CLEC2A: variants seen among roughly 807,000 people sequenced by gnomAD.
CLEC2A encodes the protein keratinocyte-associated C-type lectin.
CLEC2A carries 19 observed loss-of-function variants against 18.6 expected under a neutral mutation model. That is an observed-to-expected ratio of 1.02 (90% CI 0.71 to 1.50). The LOEUF (loss-of-function observed/expected upper bound fraction) is 1.50. CLEC2A is among the 40% of genes most tolerant of loss of function. CLEC2A has a pLI of 0.00. For synonymous variants in CLEC2A, 74 were observed against 64.0 expected, an observed-to-expected ratio of 1.16 and a Z score of -0.75; for missense variants, 190 against 207.9, an observed-to-expected ratio of 0.91 and a Z score of 0.53.
downstream of CLEC2A, among the ~76,000 whole-genome samples, chr12:9,912,475 G>A (rs7969889): frequency 1.5e-3 from 224 of 152,258 alleles, no homozygotes; most frequent in African/African-American, 5.2e-3. Flanking sequence ...AAATAGGAGC[G>A]ACAGTGAGAG....
chr12:9,928,670 T>TA (rs946060322), intron 1 of CLEC2A, among the ~76,000 whole-genome samples: 8 of 151,828 alleles, frequency 5.3e-5, no homozygotes, highest in Non-Finnish European at 1.5e-5. Context: ...AACAACTTGA[T>TA]AAAAAAAAGA....
downstream of CLEC2A, among the ~76,000 whole-genome samples, chr12:9,893,878 C>T (rs1006513677): frequency 6.6e-6 from 1 of 152,084 alleles, no homozygotes; most frequent in Admixed American, 6.5e-5. Context: ...AAATACTTCT[C>T]ATGTGGTAAA....
chr12:9,900,372 A>G (rs1221359704), intron 4 of CLEC2A, among the ~76,000 whole-genome samples: 1 of 152,174 alleles, frequency 6.6e-6, no homozygotes, highest in Non-Finnish European at 1.5e-5. Context: ...TTAATAACAA[A>G]TGTATAAGCT....
chr12:9,913,931 G>C (rs1315199099), intron 4 of CLEC2A, among the ~76,000 whole-genome samples: 4 of 152,070 alleles, frequency 2.6e-5, no homozygotes, highest in African/African-American at 9.7e-5. Context: ...GACACATATA[G>C]GTATACAAAG....
intron 3 of CLEC2A, among the ~76,000 whole-genome samples, chr12:9,920,704 C>A (rs1471183609): frequency 6.6e-6 from 1 of 152,184 alleles, no homozygotes; most frequent in Non-Finnish European, 1.5e-5. Context: ...CCATCTTGGC[C>A]ACTCTCCAAC....
downstream of CLEC2A, among the ~76,000 whole-genome samples, chr12:9,912,837 G>A (rs1260173399): frequency 4.6e-5 from 7 of 152,186 alleles, no homozygotes; most frequent in Admixed American, 1.3e-4. Context: ...AGTTTCTCCC[G>A]GGCACTGCTT....
chr12:9,884,459 C>G, the CLEC2A span, among the ~76,000 whole-genome samples: 1 of 151,382 alleles, frequency 6.6e-6, no homozygotes, highest in African/African-American at 2.4e-5. Flanking sequence ...ATATTTCTTT[C>G]CCTCTTTTAT....
chr12:9,929,941 G>C (rs1308170631), intron 1 of CLEC2A, among the ~76,000 whole-genome samples: 1 of 151,340 alleles, frequency 6.6e-6, no homozygotes, highest in Non-Finnish European at 1.5e-5. Context: ...ATATTTTTTA[G>C]ACCTCTACCT....
chr12:9,888,497 A>AAT, the CLEC2A span, among the ~76,000 whole-genome samples: 2 of 152,050 alleles, frequency 1.3e-5, no homozygotes, highest in Non-Finnish European at 2.9e-5. Flanking sequence ...CTCAAAAAAA[A>AAT]AATAAAAATA....
downstream of CLEC2A, among the ~76,000 whole-genome samples, chr12:9,910,705 A>G (rs150006803): frequency 1.0e-3 from 152 of 151,538 alleles, no homozygotes; most frequent in Middle Eastern, 3.4e-3. Context: ...TCCTGTGCAT[A>G]GAGTTACCTG....
chr12:9,912,585 T>C (rs1274988435), downstream of CLEC2A, among the ~76,000 whole-genome samples: 1 of 151,956 alleles, frequency 6.6e-6, no homozygotes, highest in Non-Finnish European at 1.5e-5. Context: ...ATGGTGTTCT[T>C]GTCCTGCCCA....
chr12:9,913,656 G>T lies in CLEC2A; in HGVS notation c.435C>A (p.Ser145=). 6.5e-7 allele frequency: 1 copy of T among 1,548,272 alleles called. No homozygotes were observed. Residue 145 remains serine (S), a synonymous_variant, in exon 5 of 5, where the codon TCC becomes TCA. Coordinates refer to ENST00000455827, the MANE Select transcript of CLEC2A (RefSeq NM_001130711.2). The part of the protein sequence containing the change: ...NGWFEIIGNG[S]FAFLSADGVH... ...CTCCATCAGCACTCAAGAAAGCAAA[G>T]GATCCGTTCCCTATAATTTCAAACC...
At chr12:9,903,135 C>A (rs1264633772) in intron 4 of CLEC2A, among the ~76,000 whole-genome samples, 1 of 151,638 alleles carries the variant, frequency 6.6e-6, no homozygotes, top group South Asian at 2.1e-4. Context: ...CACAATTAAA[C>A]CCTTTGAAGA....
chr12:9,923,124 A>T (rs904548534), intron 2 of CLEC2A, among the ~76,000 whole-genome samples: 1 of 152,156 alleles, frequency 6.6e-6, no homozygotes, highest in Non-Finnish European at 1.5e-5. Context: ...TGCTGCACCT[A>T]TCAACCCATC....
At chr12:9,905,748 C>T (rs1425078580) in intron 4 of CLEC2A, among the ~76,000 whole-genome samples, 1 of 152,114 alleles carries the variant, frequency 6.6e-6, no homozygotes, top group Non-Finnish European at 1.5e-5. Context: ...AAAACATGTA[C>T]AGTGAAATGA....
chr12:9,884,993 C>A, the CLEC2A span: 1 of 1,330,976 alleles, frequency 7.5e-7, no homozygotes. Context: ...CATTGTGATC[C>A]TTATATTCAT....
downstream of CLEC2A, chr12:9,895,572 C>G: frequency 1.1e-6 from 1 of 908,556 alleles, no homozygotes; most frequent in Non-Finnish European, 1.6e-6. Flanking sequence ...ATTCTAAAAC[C>G]TCTGCAAAAC....
intron 4 of CLEC2A, among the ~76,000 whole-genome samples, chr12:9,902,644 GA>G (rs56875298): frequency 0.13 from 17,136 of 135,618 alleles, 1,484 homozygotes; most frequent in East Asian, 0.36. Flanking sequence ...AATCTTGAAA[GA>G]AAAAAAAAAA....
intron 1 of CLEC2A, among the ~76,000 whole-genome samples, chr12:9,927,957 A>G (rs1863304861): frequency 6.6e-6 from 1 of 152,198 alleles, no homozygotes; most frequent in East Asian, 1.9e-4. Flanking sequence ...CACAAAAGGT[A>G]TTGAAACAAT....
Sources: gnomAD v4.1 joint callset for allele counts (sites outside exome capture counted in the v4.1 genomes callset) on GRCh38, gnomAD v4.1.1 for gene constraint, MANE v1.5 for transcripts, NCBI Gene and HGNC (gene_info 2026-07-23, HGNC 2026-07-21) for gene names.